CHN2: variants seen among roughly 807,000 people sequenced by gnomAD.
CHN2 encodes chimerin 2.
In CHN2, 35 loss-of-function variants were observed where a neutral mutation model predicts 56.3. The observed-to-expected ratio is 0.62, with a 90% CI of 0.47 to 0.82. The LOEUF is 0.82. CHN2 is among the 40% of genes least tolerant of loss of function. The pLI, the probability that CHN2 is intolerant of heterozygous loss-of-function variation, is 0.00. For synonymous variants in CHN2, 210 were observed against 212.8 expected (o/e 0.99, Z 0.12); for missense variants, 491 against 580.5 (o/e 0.85, Z 1.58).
At chr7:29,473,775 C>T (rs1448092275) in intron 6 of CHN2, among the ~76,000 whole-genome samples, 1 of 151,958 alleles carries the variant, frequency 6.6e-6, no homozygotes, top group African/African-American at 2.4e-5. Flanking sequence ...TGTAGAATAG[C>T]TCTTTGATAA....
Position 29,400,656 on chromosome 7 carries a change from A to C in CHN2, c.404A>C (p.Tyr135Ser). Residue 135 changes from tyrosine (Y) to serine (S), a missense_variant, in exon 6 of 13, where the codon TAC becomes TCC. Tyr to Ser is a moderately radical substitution (Grantham distance 144). Coordinates refer to ENST00000222792, the MANE Select transcript of CHN2 (RefSeq NM_004067.4). ...DLVTDGLITL[Y>S]IETKAAEYIS... Reference sequence around the variant, plus strand: ...GTGACAGATGGCTTGATAACACTGTACATAGAAACAAAAGCTGCCGAGTAC... The same window carrying C: ...GTGACAGATGGCTTGATAACACTGTCCATAGAAACAAAAGCTGCCGAGTAC... 1 of 1,614,208 alleles carries C rather than the reference A, an allele frequency of 6.2e-7. No homozygotes were observed. Among genetic ancestry groups the C allele is most frequent in the East Asian group, 2.2e-5 (1 of 44,882 alleles).
chr7:29,353,371 C>T (rs1798030808), intron 1 of CHN2, among the ~76,000 whole-genome samples: 1 of 152,176 alleles, frequency 6.6e-6, no homozygotes, highest in Non-Finnish European at 1.5e-5. Flanking sequence ...AAAAGTCTAA[C>T]AGCCAGGCGC....
At chr7:29,281,813 C>T (rs543672593) in intron 1 of CHN2, among the ~76,000 whole-genome samples, 3 of 152,284 alleles carry the variant, frequency 2.0e-5, no homozygotes, top group South Asian at 2.1e-4. Flanking sequence ...TGTTTTGACA[C>T]GGGAGATGCC....
chr7:29,392,363 A>G (rs748324290), intron 3 of CHN2, among the ~76,000 whole-genome samples: 176 of 152,338 alleles, frequency 1.2e-3, no homozygotes, highest in Non-Finnish European at 2.0e-3. Flanking sequence ...TAGAAAGGAT[A>G]TCAGATAACC....
chr7:29,287,537 T>G (rs1253469166), intron 1 of CHN2, among the ~76,000 whole-genome samples: 1 of 152,180 alleles, frequency 6.6e-6, no homozygotes, highest in African/African-American at 2.4e-5. Context: ...GTGAGTCATG[T>G]GAAATGCTGA....
intron 3 of CHN2, among the ~76,000 whole-genome samples, chr7:29,373,627 ACT>A (rs1023970015): frequency 1.2e-4 from 18 of 152,150 alleles, no homozygotes; most frequent in African/African-American, 4.3e-4. Flanking sequence ...TACTGATTTT[ACT>A]CTTTTCTATC....
At position 29,280,383 on chromosome 7, in the gene CHN2, C is replaced by CAATAAATAA. The variant is rs67342328; in HGVS notation, c.50-74241_50-74240insATAAATAAA. On this transcript the variant is annotated intron_variant, in intron 1 of 12. Coordinates refer to ENST00000222792, the MANE Select transcript of CHN2 (RefSeq NM_004067.4). The stretch of plus-strand genomic sequence containing the variant: ...TGGGTGACAGAGCGAGGCTCCGTCT[C>CAATAAATAA]ATAAATAAATAAATAAATAAATAAA... 7.8e-3 allele frequency among the ~76,000 whole-genome samples: 1,168 copies of CAATAAATAA among 150,412 alleles called. 18 individuals carry two copies. Among genetic ancestry groups the CAATAAATAA allele is most frequent in the East Asian group, 0.031 (155 of 5,052 alleles).
At chr7:29,324,030 AG>A (rs1286569772) in intron 1 of CHN2, among the ~76,000 whole-genome samples, 2 of 151,618 alleles carry the variant, frequency 1.3e-5, no homozygotes, top group Admixed American at 6.6e-5. Context: ...ACCAAAAAAA[AG>A]AAAAAAAAAG....
chr7:29,411,902 G>C (rs1803251855), intron 6 of CHN2, among the ~76,000 whole-genome samples: 1 of 152,156 alleles, frequency 6.6e-6, no homozygotes, highest in Non-Finnish European at 1.5e-5. Flanking sequence ...TTTGAGCTGG[G>C]TAAGCAGATG....
chr7:29,322,218 T>C (rs1795411465), intron 1 of CHN2, among the ~76,000 whole-genome samples: 1 of 152,224 alleles, frequency 6.6e-6, no homozygotes, highest in African/African-American at 2.4e-5. Flanking sequence ...TCTGTTTGTC[T>C]CCACCAGCAG....
intron 1 of CHN2, among the ~76,000 whole-genome samples, chr7:29,321,933 G>A (rs1795395195): frequency 6.6e-6 from 1 of 152,130 alleles, no homozygotes; most frequent in Non-Finnish European, 1.5e-5. Context: ...CAGATCTTAT[G>A]GATTAGTCAG....
chr7:29,485,369 G>A (rs1585572006), intron 7 of CHN2, among the ~76,000 whole-genome samples: 1 of 152,198 alleles, frequency 6.6e-6, no homozygotes, highest in South Asian at 2.1e-4. Flanking sequence ...TAAGGACAGG[G>A]CTCTGTGCAA....
rs114966736 is a variant in CHN2 at position 29,510,371 on chromosome 7, G to A, written c.1235+965G>A. Among the ~76,000 whole-genome samples the A allele has an allele frequency of 4.3e-3, 653 of 152,150 alleles. 5 individuals carry two copies. The highest frequency in any genetic ancestry group is 0.015 in the African/African-American group (629 of 41,496). ...GGAGAATTGCTTGAACCCGGGAGAC[G>A]AAGGCTGCAGTGAGCGAAGATGGCA... On this transcript the variant is annotated intron_variant, in intron 12 of 12. Transcript: ENST00000222792.
chr7:29,465,644 C>T (rs1393768640), intron 6 of CHN2, among the ~76,000 whole-genome samples: 1 of 152,164 alleles, frequency 6.6e-6, no homozygotes, highest in Non-Finnish European at 1.5e-5. Flanking sequence ...TCTTAGCAAA[C>T]AAAAACTTGT....
At chr7:29,172,859 A>G (rs1401806409) in intron 2 of CHN2, among the ~76,000 whole-genome samples, 1 of 152,078 alleles carries the variant, frequency 6.6e-6, no homozygotes, top group Non-Finnish European at 1.5e-5. Flanking sequence ...ATGCTGGATA[A>G]GGCCGAGTGT....
intron 1 of CHN2, among the ~76,000 whole-genome samples, chr7:29,220,351 T>C (rs1336716020): frequency 6.6e-6 from 1 of 150,548 alleles, no homozygotes; most frequent in African/African-American, 2.4e-5. Context: ...ATATAATATT[T>C]GAAAATTAAC....
intron 1 of CHN2, chr7:29,293,112 C>G (rs115780760): frequency 7.0e-6 from 3 of 427,336 alleles, no homozygotes; most frequent in East Asian, 1.4e-4. Context: ...TGGCAGCACT[C>G]GTTTGCAGCT....
intron 1 of CHN2, among the ~76,000 whole-genome samples, chr7:29,353,470 A>G (rs1798039454): frequency 6.6e-6 from 1 of 152,186 alleles, no homozygotes; most frequent in Admixed American, 6.5e-5. Flanking sequence ...CCTGGCCAAC[A>G]TGGCGAAATG....
intron 6 of CHN2, among the ~76,000 whole-genome samples, chr7:29,446,845 GAGTGGAA>G (rs1784067456): frequency 6.6e-6 from 1 of 152,180 alleles, no homozygotes; most frequent in Non-Finnish European, 1.5e-5. Context: ...CCACCAGCTG[GAGTGGAA>G]AGTCTTATCA....
Sources: allele counts gnomAD v4.1 joint callset (sites outside exome capture counted in the v4.1 genomes callset), GRCh38; gene constraint gnomAD v4.1.1; transcripts MANE v1.5; gene names NCBI Gene and HGNC (gene_info 2026-07-23, HGNC 2026-07-21).